SH3RF2: variants seen among roughly 807,000 people sequenced by gnomAD.
SH3RF2 encodes SH3 domain containing ring finger 2.
In SH3RF2, 43 loss-of-function variants were observed where a neutral mutation model predicts 59.0. The observed-to-expected ratio is 0.73, with a 90% CI of 0.57 to 0.94. The LOEUF (loss-of-function observed/expected upper bound fraction) is 0.94. Ranked by LOEUF, SH3RF2 falls within the 40% of genes least tolerant of loss-of-function variation. The probability of loss-of-function intolerance (pLI) is 0.00; values close to 1 mark genes in which losing one functional copy is unlikely to be tolerated. For synonymous variants in SH3RF2, 391 were observed against 391.5 expected (o/e 1.00, Z 0.01); for missense variants, 930 against 940.1 (o/e 0.99, Z 0.14).
chr5:146,056,964 A>AT (rs1472671919), intron 8 of SH3RF2, among the ~76,000 whole-genome samples: 3 of 152,208 alleles, frequency 2.0e-5, no homozygotes, highest in African/African-American at 7.2e-5. Context: ...CTTTTCAGGC[A>AT]TTGTAAAAAG....
At chr5:146,074,057 T>TTTTTTTTTG (rs397999517) in intron 9 of SH3RF2, among the ~76,000 whole-genome samples, 1 of 144,492 alleles carries the variant, frequency 6.9e-6, no homozygotes, top group African/African-American at 2.6e-5. Context: ...TTTTTTTTTT[T>TTTTTTTTTG]GAGACAGAGT....
At chr5:146,020,589 A>G (rs925459281) in intron 5 of SH3RF2, among the ~76,000 whole-genome samples, 7 of 152,168 alleles carry the variant, frequency 4.6e-5, no homozygotes, top group Non-Finnish European at 1.0e-4. Context: ...TCTCTCTTGT[A>G]TTCACAGCAC....
chr5:145,976,929 A>T (rs1197008344), intron 2 of SH3RF2, among the ~76,000 whole-genome samples: 1 of 152,262 alleles, frequency 6.6e-6, no homozygotes. Context: ...AGACTTACTC[A>T]TAAAGTACCC....
chr5:145,963,974 AG>A (rs1220278225), intron 2 of SH3RF2, among the ~76,000 whole-genome samples: 4 of 151,780 alleles, frequency 2.6e-5, no homozygotes, highest in African/African-American at 9.7e-5. Flanking sequence ...TTGGGACTAC[AG>A]GCGCCCGCCA....
chr5:145,954,807 A>C (rs913648154), intron 2 of SH3RF2, among the ~76,000 whole-genome samples: 1 of 152,188 alleles, frequency 6.6e-6, no homozygotes, highest in Non-Finnish European at 1.5e-5. Context: ...GGAAGCTTAC[A>C]ATCATGGCAG....
At chr5:146,063,371 C>T (rs1391939789), downstream of SH3RF2, 1 of 152,254 alleles carries the variant, frequency 6.6e-6, no homozygotes, top group Non-Finnish European at 1.5e-5. Context: ...ATACTTTAAG[C>T]TTCTCGATCC....
At chr5:146,032,344 G>T (rs757763517) in intron 5 of SH3RF2, among the ~76,000 whole-genome samples, 1 of 152,088 alleles carries the variant, frequency 6.6e-6, no homozygotes, top group Non-Finnish European at 1.5e-5. Context: ...AAGCCCCATG[G>T]GTGATGACCT....
At chr5:145,971,871 AATGATGATGATGATG>A (rs148965709) in intron 2 of SH3RF2, among the ~76,000 whole-genome samples, 6 of 150,726 alleles carry the variant, frequency 4.0e-5, no homozygotes, top group East Asian at 2.0e-4. Flanking sequence ...TAATAGTGAT[AATGATGATGATGATG>A]ATGATGATGA....
At chr5:146,073,047 C>T (rs1331100107) in intron 9 of SH3RF2, among the ~76,000 whole-genome samples, 2 of 152,138 alleles carry the variant, frequency 1.3e-5, no homozygotes, top group Non-Finnish European at 2.9e-5. Context: ...TTCACAAGCC[C>T]CCCATGAGTT....
At chr5:146,053,842 T>C (rs746972525) in intron 7 of SH3RF2, among the ~76,000 whole-genome samples, 1 of 152,224 alleles carries the variant, frequency 6.6e-6, no homozygotes, top group African/African-American at 2.4e-5. Context: ...TACACAAAGC[T>C]ATACAAAAAT....
chr5:146,033,296 G>A (rs954768816), intron 5 of SH3RF2, among the ~76,000 whole-genome samples: 2 of 151,902 alleles, frequency 1.3e-5, no homozygotes, highest in African/African-American at 2.4e-5. Context: ...CTCCTTAAGG[G>A]CAAGGAGTAT....
At chr5:146,017,414 A>T (rs973600014) in intron 5 of SH3RF2, among the ~76,000 whole-genome samples, 6 of 152,028 alleles carry the variant, frequency 3.9e-5, no homozygotes, top group Non-Finnish European at 8.8e-5. Flanking sequence ...TCTAAAATTG[A>T]CTTGGTTCAG....
intron 2 of SH3RF2, among the ~76,000 whole-genome samples, chr5:145,971,144 T>C (rs1759065304): frequency 6.6e-6 from 1 of 152,174 alleles, no homozygotes; most frequent in Non-Finnish European, 1.5e-5. Context: ...CCAGTGAATA[T>C]TACCTGCATG....
chr5:145,979,871 G>A (rs768182318), intron 2 of SH3RF2, among the ~76,000 whole-genome samples: 1 of 152,104 alleles, frequency 6.6e-6, no homozygotes, highest in Non-Finnish European at 1.5e-5. Context: ...CATACAATAG[G>A]TACTGATATT....
At chr5:146,037,700 C>G (rs1761987296) in intron 5 of SH3RF2, among the ~76,000 whole-genome samples, 1 of 152,162 alleles carries the variant, frequency 6.6e-6, no homozygotes, top group Admixed American at 6.5e-5. Context: ...TTAAAATCTT[C>G]CTATACAGAA....
chr5:145,956,405 A>G (rs1445024997), intron 2 of SH3RF2, among the ~76,000 whole-genome samples: 1 of 152,072 alleles, frequency 6.6e-6, no homozygotes, highest in Non-Finnish European at 1.5e-5. Context: ...GCCTCCGAGT[A>G]GCTGGGATTA....
chr5:146,053,323 T>C (rs1471341616), intron 7 of SH3RF2, among the ~76,000 whole-genome samples: 1 of 152,188 alleles, frequency 6.6e-6, no homozygotes. Context: ...TGGCTCAGGT[T>C]ATATAGAACA....
chr5:145,993,821 C>A (rs753040583), intron 2 of SH3RF2, among the ~76,000 whole-genome samples: 1 of 151,930 alleles, frequency 6.6e-6, no homozygotes, highest in Non-Finnish European at 1.5e-5. Context: ...GTTCCCACCA[C>A]CCCCCTGTCG....
chr5:146,034,570 G>A (rs1462496147), intron 5 of SH3RF2, among the ~76,000 whole-genome samples: 2 of 152,168 alleles, frequency 1.3e-5, no homozygotes, highest in South Asian at 2.1e-4. Context: ...TGGGACCCTG[G>A]TGGACTTTGT....
Sources: allele counts gnomAD v4.1 joint callset (sites outside exome capture counted in the v4.1 genomes callset), GRCh38; gene constraint gnomAD v4.1.1; transcripts MANE v1.5; gene names NCBI Gene and HGNC (gene_info 2026-07-23, HGNC 2026-07-21).